The following HERC4 variants were observed in gnomAD, a reference collection of about 807,000 sequenced individuals.
HERC4 encodes probable E3 ubiquitin-protein ligase HERC4.
HERC4 carries 28 observed loss-of-function variants against 124.3 expected under a neutral mutation model. That is an observed-to-expected ratio of 0.23 (90% CI 0.17 to 0.31). The LOEUF (loss-of-function observed/expected upper bound fraction) is 0.31. Ranked by LOEUF, HERC4 falls within the 10% of genes least tolerant of loss-of-function variation. HERC4 has a pLI of 1.00. For missense variants in HERC4, 713 were observed against 1,229.3 expected (o/e 0.58, Z 6.28); for synonymous variants, 407 against 421.5 (o/e 0.97, Z 0.42).
intron 3 of HERC4, among the ~76,000 whole-genome samples, chr10:68,061,532 CAAAAAAAAAAA>C (rs59169970): frequency 4.8e-3 from 67 of 13,992 alleles, no homozygotes; most frequent in South Asian, 0.013. Flanking sequence ...GACTCCGTCT[CAAAAAAAAAAA>C]AAAAAAAAAA....
At chr10:68,014,887 G>T (rs1438837765) in intron 8 of HERC4, among the ~76,000 whole-genome samples, 1 of 152,146 alleles carries the variant, frequency 6.6e-6, no homozygotes, top group Non-Finnish European at 1.5e-5. Context: ...TTACTGAGGG[G>T]ACATGGCATC....
intron 3 of HERC4, among the ~76,000 whole-genome samples, chr10:68,053,741 G>A (rs2040423670): frequency 6.6e-6 from 1 of 152,148 alleles, no homozygotes; most frequent in African/African-American, 2.4e-5. Context: ...CTGATAAAGT[G>A]CACATCTGCT....
intron 15 of HERC4, among the ~76,000 whole-genome samples, chr10:67,974,633 G>C (rs1354043518): frequency 6.6e-6 from 1 of 152,150 alleles, no homozygotes; most frequent in African/African-American, 2.4e-5. Context: ...AAAAGGATCG[G>C]TCTATATCTG....
intron 9 of HERC4, chr10:67,995,052 A>G (rs983924182): frequency 6.4e-6 from 2 of 313,354 alleles, no homozygotes; most frequent in Admixed American, 9.2e-5. Context: ...GTCCTGTACA[A>G]CTTTATGCAG....
intron 23 of HERC4, among the ~76,000 whole-genome samples, chr10:67,930,484 A>G (rs1374591528): frequency 2.0e-5 from 3 of 152,200 alleles, no homozygotes; most frequent in African/African-American, 2.4e-5. Context: ...ACTTTTTAAG[A>G]AACAGCCACT....
intron 9 of HERC4, among the ~76,000 whole-genome samples, chr10:68,000,768 G>C (rs759288987): frequency 5.3e-5 from 8 of 152,066 alleles, no homozygotes; most frequent in Non-Finnish European, 7.4e-5. Context: ...AGAAGGCCAA[G>C]GTCTACAAGC....
chr10:67,996,440 T>C (rs771395351), intron 9 of HERC4, among the ~76,000 whole-genome samples: 1 of 152,150 alleles, frequency 6.6e-6, no homozygotes, highest in African/African-American at 2.4e-5. Flanking sequence ...AAAACAGTGA[T>C]AGAGCTACAA....
At chr10:68,069,617 C>G in intron 3 of HERC4, 1 of 985,320 alleles carries the variant, frequency 1.0e-6, no homozygotes, top group Admixed American at 6.1e-5. Flanking sequence ...ATAATTTATC[C>G]TTAATAAGGC....
chr10:67,946,705 G>A lies in HERC4; in HGVS notation c.2338-5600C>T, dbSNP rs183168203. Among the ~76,000 whole-genome samples, 281 of 152,074 alleles carry A rather than the reference G, an allele frequency of 1.8e-3. 2 individuals are homozygous for A. The highest frequency in any genetic ancestry group is 6.2e-3 in the African/African-American group (259 of 41,468). On this transcript the variant is annotated intron_variant, in intron 19 of 24. Transcript: ENST00000373700. ...GGGCGGATCATGAGGTCAAGAGATCGAGACCATCCTGGCCAACATGGTGAA... is the reference window on the plus strand; with the variant it reads ...GGGCGGATCATGAGGTCAAGAGATCAAGACCATCCTGGCCAACATGGTGAA...
In HERC4 at chr10:67,925,194, A is replaced by T; in HGVS notation, c.2839-7T>A. 1.3e-6 allele frequency: 2 copies of T among 1,486,648 alleles called. No homozygotes were observed. Among genetic ancestry groups the T allele is most frequent in the South Asian group, 2.3e-5 (2 of 87,702 alleles). 92.1% of individuals were successfully genotyped at this position (1,486,648 alleles called of 1,614,324 possible). On this transcript the variant is annotated splice_region_variant and splice_polypyrimidine_tract_variant and intron_variant, in intron 23 of 24. Transcript: ENST00000373700. ...CCCCTTTGTATTCTGTATTCTAAAA[A>T]CAACATAATCTTTTATTAGTATTAA... is the stretch of plus-strand genomic sequence containing the variant.
intron 3 of HERC4, among the ~76,000 whole-genome samples, chr10:68,051,503 C>A (rs983116082): frequency 1.3e-5 from 2 of 150,548 alleles, no homozygotes; most frequent in Admixed American, 6.6e-5. Context: ...CGCCACCATG[C>A]CCAGCTAGTT....
At chr10:68,033,776 T>G (rs2039327423) in intron 6 of HERC4, among the ~76,000 whole-genome samples, 189 bp downstream of exon 6, 1 of 152,214 alleles carries the variant, frequency 6.6e-6, no homozygotes, top group African/African-American at 2.4e-5. Context: ...TTTTTATAGT[T>G]CTTTAATGAA....
intron 23 of HERC4, among the ~76,000 whole-genome samples, chr10:67,929,446 T>C (rs1388681952): frequency 6.6e-6 from 1 of 152,224 alleles, no homozygotes; most frequent in Admixed American, 6.5e-5. Flanking sequence ...AGCCATACAG[T>C]ATGCAACCAT....
intron 23 of HERC4, among the ~76,000 whole-genome samples, chr10:67,925,465 G>A (rs1342772901): frequency 2.0e-5 from 3 of 152,054 alleles, no homozygotes; most frequent in Non-Finnish European, 4.4e-5. Context: ...TAATGTTATA[G>A]GACCATCAAA....
intron 9 of HERC4, among the ~76,000 whole-genome samples, chr10:68,000,478 C>T (rs1017507419): frequency 6.6e-6 from 1 of 151,634 alleles, no homozygotes; most frequent in African/African-American, 2.4e-5. Context: ...ACTCAGGAGG[C>T]TGAGGTGGGA....
At position 67,991,193 on chromosome 10, in the gene HERC4, T is replaced by A. The variant is rs1278506647; in HGVS notation, c.1278A>T (p.Ile426=). 1 of 1,531,842 alleles carries A rather than the reference T, an allele frequency of 6.5e-7. No homozygotes were observed. The highest frequency in any genetic ancestry group is 8.8e-7 in the Non-Finnish European group (1 of 1,138,760). The allele number at this position is 1,531,842 out of a possible 1,614,324, so 94.9% of individuals were successfully genotyped here. The part of the protein sequence containing the change: ...GRFPVEIANE[I]DGTFSSSGCL... ...AACCAGAGGAAGAAAACGTTCCATC[T>A]ATCTCACTAAAAAATTTAAAAAAGT... The change falls in exon 12 of 25, where the codon ATA becomes ATT. Residue 426 remains isoleucine, a synonymous_variant. Transcript: ENST00000373700.
intron 13 of HERC4, among the ~76,000 whole-genome samples, 191 bp downstream of exon 13, chr10:67,990,713 T>C (rs2036506351): frequency 6.6e-6 from 1 of 152,172 alleles, no homozygotes; most frequent in African/African-American, 2.4e-5. Flanking sequence ...ATTCAGGGTC[T>C]GCTTCAAACA....
chr10:67,942,506 AGTTT>A (rs201726576), intron 19 of HERC4, among the ~76,000 whole-genome samples: 1,624 of 152,054 alleles, frequency 0.011, 38 homozygotes, highest in African/African-American at 0.037. Context: ...CCCCCGTTCC[AGTTT>A]GTTTGTTTGT....
At chr10:67,995,221 C>T (rs2132835611) in intron 9 of HERC4, 1 of 454,156 alleles carries the variant, frequency 2.2e-6, no homozygotes, top group South Asian at 1.6e-5. Flanking sequence ...CATCAGGAAA[C>T]ACATAATTCC....
Sources: allele counts gnomAD v4.1 joint callset (sites outside exome capture counted in the v4.1 genomes callset), GRCh38; gene constraint gnomAD v4.1.1; transcripts MANE v1.5; gene names NCBI Gene and HGNC (gene_info 2026-07-23, HGNC 2026-07-21).